AGBL1: variants seen among roughly 807,000 people sequenced by gnomAD.
AGBL1 encodes the protein cytosolic carboxypeptidase 4.
In AGBL1, 130 loss-of-function variants were observed where a neutral mutation model predicts 118.9. The observed-to-expected ratio is 1.09, with a 90% CI of 0.95 to 1.26. The LOEUF (loss-of-function observed/expected upper bound fraction) is 1.26, where lower values mean the gene tolerates loss of function less well. AGBL1 is among the 50% of genes most tolerant of loss of function. The pLI is 0.00. For synonymous variants in AGBL1, 555 were observed against 478.9 expected (o/e 1.16, Z -2.08); for missense variants, 1,584 against 1,298.1 (o/e 1.22, Z -3.38).
At chr15:86,258,168 G>A in intron 9 of AGBL1, 137 bp downstream of exon 9, 1 of 802,492 alleles carries the variant, frequency 1.2e-6, no homozygotes, top group East Asian at 2.5e-5. Context: ...TGGTCGTGAT[G>A]CGCAGTAAAT....
chr15:86,331,950 A>G (rs1376626442), intron 17 of AGBL1, among the ~76,000 whole-genome samples: 1 of 152,176 alleles, frequency 6.6e-6, no homozygotes, highest in Admixed American at 6.5e-5. Context: ...TTAGTTGTCT[A>G]AGTGCCCCAC....
intron 18 of AGBL1, among the ~76,000 whole-genome samples, chr15:86,478,001 A>G (rs1036716504): frequency 1.3e-5 from 2 of 152,218 alleles, no homozygotes; most frequent in Admixed American, 1.3e-4. Context: ...ATCTCAATAG[A>G]TGCAAAAAGG....
At chr15:87,000,902 C>A (rs1318372034) in intron 24 of AGBL1, among the ~76,000 whole-genome samples, 53 of 139,728 alleles carry the variant, frequency 3.8e-4, no homozygotes, top group South Asian at 7.3e-4. Context: ...CTTTTATTTC[C>A]TTGAGCAGTG....
chr15:86,257,908 C>T, intron 8 of AGBL1, 56 bp from the exon 9 acceptor site: 2 of 1,571,670 alleles, frequency 1.3e-6, no homozygotes, highest in Non-Finnish European at 1.7e-6. Flanking sequence ...AATCTAAATC[C>T]TAAATCCCGG....
chr15:86,904,748 TG>T lies in AGBL1; in HGVS notation c.3159-2337del, dbSNP rs1367717941. On this transcript the variant is annotated intron_variant, in intron 22 of 22. Coordinates refer to ENST00000614907, the MANE Select transcript of AGBL1 (RefSeq NM_001386094.1). ...CTAAAATTCACAGACATGATAATTG[TG>T]GTATAATCCATATATAAAAATATTT... Among the ~76,000 whole-genome samples the T allele has an allele frequency of 1.1e-4, 16 of 150,808 alleles. No individual in the cohort carries two copies. In the East Asian group the frequency reaches 2.3e-3, roughly 22 times the overall value.
intron 22 of AGBL1, among the ~76,000 whole-genome samples, chr15:86,844,541 C>T (rs1459025886): frequency 1.3e-5 from 2 of 152,068 alleles, no homozygotes; most frequent in Non-Finnish European, 2.9e-5. Flanking sequence ...ATATTTGGCC[C>T]ATTTCTTAAT....
chr15:86,235,366 G>A (rs979587951), intron 6 of AGBL1, among the ~76,000 whole-genome samples: 3 of 152,234 alleles, frequency 2.0e-5, no homozygotes, highest in South Asian at 2.1e-4. Context: ...CAATCAATCC[G>A]CATGCACTTG....
At chr15:86,876,117 A>G (rs1366414087) in intron 22 of AGBL1, among the ~76,000 whole-genome samples, 1 of 152,210 alleles carries the variant, frequency 6.6e-6, no homozygotes, top group Non-Finnish European at 1.5e-5. Flanking sequence ...TATGCTCAAA[A>G]TATTGTAGGG....
chr15:86,669,941 CTTTA>C (rs991174258), intron 21 of AGBL1, among the ~76,000 whole-genome samples: 4 of 152,028 alleles, frequency 2.6e-5, no homozygotes, highest in African/African-American at 9.7e-5. Context: ...CTTTATTCAA[CTTTA>C]TTTAAATCAT....
At chr15:86,490,042 G>A (rs745623513) in intron 18 of AGBL1, among the ~76,000 whole-genome samples, 1 of 152,046 alleles carries the variant, frequency 6.6e-6, no homozygotes, top group Admixed American at 6.6e-5. Context: ...TCACACTCAG[G>A]TTGCCTTGTG....
chr15:86,806,533 C>T (rs149199577), intron 22 of AGBL1, among the ~76,000 whole-genome samples: 1,739 of 152,228 alleles, frequency 0.011, 24 homozygotes, highest in Middle Eastern at 0.061. Context: ...ACAAGGACTT[C>T]GGAGGAACTG....
intron 5 of AGBL1, among the ~76,000 whole-genome samples, chr15:86,172,766 T>C (rs1342586956): frequency 6.6e-6 from 1 of 152,250 alleles, no homozygotes; most frequent in African/African-American, 2.4e-5. Flanking sequence ...AACACTTAGG[T>C]TGATTCCATA....
intron 21 of AGBL1, among the ~76,000 whole-genome samples, chr15:86,648,282 G>C (rs562164343): frequency 6.6e-6 from 1 of 152,318 alleles, no homozygotes; most frequent in Non-Finnish European, 1.5e-5. Context: ...GTGAGGGCTA[G>C]TGATGACTTC....
chr15:86,095,260 G>A (rs1363676730), intron 1 of AGBL1, among the ~76,000 whole-genome samples: 2 of 152,118 alleles, frequency 1.3e-5, no homozygotes, highest in Non-Finnish European at 2.9e-5. Flanking sequence ...CCATTGCATA[G>A]GCCTGACTGA....
intron 6 of AGBL1, among the ~76,000 whole-genome samples, chr15:86,235,664 A>G (rs2078528767): frequency 1.3e-5 from 2 of 151,748 alleles, no homozygotes. Flanking sequence ...AGCAGTTTAC[A>G]AAGCAGCTTT....
intron 24 of AGBL1, among the ~76,000 whole-genome samples, chr15:87,010,948 T>C (rs1169761170): frequency 1.3e-5 from 2 of 152,160 alleles, no homozygotes; most frequent in Non-Finnish European, 2.9e-5. Context: ...GATGAAAAGA[T>C]CAAACAGAGA....
chr15:86,518,119 G>T (rs186364764), intron 18 of AGBL1, among the ~76,000 whole-genome samples: 1 of 152,110 alleles, frequency 6.6e-6, no homozygotes, highest in East Asian at 1.9e-4. Flanking sequence ...AGTCATGGAC[G>T]GATGGGAGAT....
chr15:86,376,304 T>C (rs8030360), intron 17 of AGBL1, among the ~76,000 whole-genome samples: 145,756 of 152,332 alleles, frequency 0.96, 69,788 homozygotes, highest in East Asian at 1. Context: ...CACTCTGTAC[T>C]AACTGCAAGT....
At chr15:86,675,672 G>C (rs2085830261) in intron 22 of AGBL1, among the ~76,000 whole-genome samples, 1 of 152,148 alleles carries the variant, frequency 6.6e-6, no homozygotes, top group Non-Finnish European at 1.5e-5. Context: ...CCCTCTGACA[G>C]CAAGCGCTTC....
Sources: allele counts gnomAD v4.1 joint callset (sites outside exome capture counted in the v4.1 genomes callset), GRCh38; gene constraint gnomAD v4.1.1; transcripts MANE v1.5; gene names NCBI Gene and HGNC (gene_info 2026-07-23, HGNC 2026-07-21).